Variants in SAMD12 observed in about 807,000 individuals in gnomAD.
The protein encoded by SAMD12 is sterile alpha motif domain containing 12, also known as sterile alpha motif domain-containing protein 12.
SAMD12 carries 9 observed loss-of-function variants against 15.0 expected under a neutral mutation model. That is an observed-to-expected ratio of 0.60 (90% confidence interval 0.36 to 1.05). The LOEUF (loss-of-function observed/expected upper bound fraction) is 1.05. SAMD12 is among the 50% of genes least tolerant of loss of function. The pLI is 0.01. For missense variants in SAMD12, 230 were observed against 234.2 expected (o/e 0.98, Z 0.12); for synonymous variants, 86 against 90.1 (o/e 0.96, Z 0.25).
At position 118,243,469 on chromosome 8, in the gene SAMD12, T is replaced by TA. The variant is rs201583674; in HGVS notation, c.434-45738dup. Among the ~76,000 whole-genome samples the TA allele has an allele frequency of 5.9e-3, 891 of 151,762 alleles. 3 individuals are homozygous for TA. Among genetic ancestry groups the TA allele is most frequent in the Non-Finnish European group, 8.6e-3 (583 of 67,908 alleles). On this transcript the variant is annotated intron_variant, in intron 4 of 4. Coordinates refer to the SAMD12 transcript ENST00000409003. The stretch of plus-strand genomic sequence containing the variant: ...ATGCACTGTACCACTCCATTTTTTT[T>TA]AAAAAAAACTATATACTCAGGTGCA...
intron 3 of SAMD12, among the ~76,000 whole-genome samples, chr8:118,419,402 G>C (rs1384215144): frequency 6.6e-6 from 1 of 152,168 alleles, no homozygotes; most frequent in African/African-American, 2.4e-5. Context: ...ACTTTATAAA[G>C]TTCAAGTATG....
intron 4 of SAMD12, among the ~76,000 whole-genome samples, chr8:118,198,200 G>C (rs1304359733): frequency 6.6e-6 from 1 of 152,120 alleles, no homozygotes; most frequent in Non-Finnish European, 1.5e-5. Context: ...TATTGGAAGC[G>C]GAATGGCTGG....
intron 4 of SAMD12, among the ~76,000 whole-genome samples, chr8:118,291,792 G>A (rs1265542842): frequency 1.5e-4 from 23 of 150,870 alleles, no homozygotes; most frequent in Admixed American, 1.2e-3. Context: ...CTGTTGCCCT[G>A]ATACCTCCTC....
At chr8:118,277,121 C>T (rs1361647287) in intron 4 of SAMD12, among the ~76,000 whole-genome samples, 2 of 152,222 alleles carry the variant, frequency 1.3e-5, no homozygotes, top group African/African-American at 2.4e-5. Context: ...CCTAATTCAC[C>T]TATTATATTT....
At chr8:118,449,855 G>GA (rs952108022) in intron 2 of SAMD12, among the ~76,000 whole-genome samples, 36 of 151,272 alleles carry the variant, frequency 2.4e-4, no homozygotes, top group African/African-American at 8.7e-4. Flanking sequence ...GAAAAAGGGG[G>GA]AAAATGGAAA....
At chr8:118,204,178 T>C (rs1819796003) in intron 4 of SAMD12, among the ~76,000 whole-genome samples, 1 of 146,322 alleles carries the variant, frequency 6.8e-6, no homozygotes, top group South Asian at 2.2e-4. Context: ...AGAATCAAGA[T>C]TGGATGATTT....
At chr8:118,374,361 T>C (rs1190419895), downstream of SAMD12, among the ~76,000 whole-genome samples, 1 of 152,142 alleles carries the variant, frequency 6.6e-6, no homozygotes, top group Non-Finnish European at 1.5e-5. Flanking sequence ...ATATATACCA[T>C]GTTTTCTTTA....
chr8:118,514,878 T>C (rs1039459967), intron 2 of SAMD12, among the ~76,000 whole-genome samples: 1 of 152,242 alleles, frequency 6.6e-6, no homozygotes, highest in South Asian at 2.1e-4. Flanking sequence ...CCAAATCTCA[T>C]GTCAAATTGT....
At chr8:118,368,058 C>T (rs1358888809) in intron 4 of SAMD12, among the ~76,000 whole-genome samples, 1 of 152,178 alleles carries the variant, frequency 6.6e-6, no homozygotes, top group Non-Finnish European at 1.5e-5. Flanking sequence ...CCTCAAAAAA[C>T]ATGTCTTTTG....
At chr8:118,433,538 G>A (rs893534033) in intron 3 of SAMD12, among the ~76,000 whole-genome samples, 9 of 151,862 alleles carry the variant, frequency 5.9e-5, no homozygotes, top group African/African-American at 2.2e-4. Context: ...TTTTAAGAAC[G>A]CTGAGAAATA....
At chr8:118,324,115 G>C (rs777771356) in intron 4 of SAMD12, among the ~76,000 whole-genome samples, 21 of 152,146 alleles carry the variant, frequency 1.4e-4, no homozygotes, top group Non-Finnish European at 2.9e-4. Flanking sequence ...ATTTTTAATA[G>C]TTATGTCTGT....
chr8:118,324,518 T>G (rs1195919532), intron 4 of SAMD12, among the ~76,000 whole-genome samples: 1 of 152,140 alleles, frequency 6.6e-6, no homozygotes, highest in African/African-American at 2.4e-5. Context: ...ACCCACTACA[T>G]CTCAAACAGA....
At chr8:118,328,476 G>C (rs188028928) in intron 4 of SAMD12, among the ~76,000 whole-genome samples, 1 of 152,006 alleles carries the variant, frequency 6.6e-6, no homozygotes, top group Non-Finnish European at 1.5e-5. Context: ...ATTCACAACT[G>C]TTATTTAATA....
At chr8:118,266,859 G>T (rs926682615) in intron 4 of SAMD12, among the ~76,000 whole-genome samples, 1 of 151,904 alleles carries the variant, frequency 6.6e-6, no homozygotes, top group Non-Finnish European at 1.5e-5. Context: ...AGGAGATACT[G>T]GTCAAATGAT....
At chr8:118,234,759 A>G (rs1460080510) in intron 4 of SAMD12, among the ~76,000 whole-genome samples, 4 of 151,852 alleles carry the variant, frequency 2.6e-5, no homozygotes, top group African/African-American at 9.7e-5. Context: ...GCAATAAATA[A>G]TACAAATTAT....
At chr8:118,448,235 T>G (rs749759886) in intron 2 of SAMD12, among the ~76,000 whole-genome samples, 1 of 152,200 alleles carries the variant, frequency 6.6e-6, no homozygotes. Context: ...AGTCCTATCC[T>G]GATCTCCCTG....
chr8:118,304,796 A>ATAAG (rs1326666794), intron 4 of SAMD12, among the ~76,000 whole-genome samples: 1 of 150,782 alleles, frequency 6.6e-6, no homozygotes, highest in East Asian at 1.9e-4. Context: ...AAATAAATAA[A>ATAAG]TACACAAATA....
chr8:118,280,066 G>A lies in SAMD12; in HGVS notation c.434-82334C>T, dbSNP rs759684426. Among the ~76,000 whole-genome samples, 4 of 152,178 alleles carry A rather than the reference G, an allele frequency of 2.6e-5. No homozygotes were observed. The East Asian group carries it at 7.7e-4, about 29-fold the overall frequency. ...TGGGACTGGCAATTGTGAGCTTTTG[G>A]TGGTGGTGATGTGTAGGGAATTGGG... On this transcript the variant is annotated intron_variant, in intron 4 of 4. Transcript: ENST00000409003.
At chr8:118,292,290 T>C (rs1296111323) in intron 4 of SAMD12, among the ~76,000 whole-genome samples, 2 of 144,194 alleles carry the variant, frequency 1.4e-5, no homozygotes, top group Non-Finnish European at 3.0e-5. Context: ...CAATAACCTA[T>C]GAAAAAATAA....
Sources: allele counts gnomAD v4.1 joint callset (sites outside exome capture counted in the v4.1 genomes callset), GRCh38; gene constraint gnomAD v4.1.1; transcripts MANE v1.5; gene names NCBI Gene and HGNC (gene_info 2026-07-23, HGNC 2026-07-21).